The following UNC45A variants were observed in gnomAD, a reference collection of about 807,000 sequenced individuals.
The protein encoded by UNC45A is protein unc-45 homolog A.
UNC45A carries 78 observed loss-of-function variants against 103.2 expected under a neutral mutation model. The observed-to-expected ratio is 0.76, with a 90% CI of 0.63 to 0.91. The LOEUF (loss-of-function observed/expected upper bound fraction) is 0.91. UNC45A is among the 40% of genes least tolerant of loss of function. UNC45A has a pLI of 0.00. For missense variants in UNC45A, 1,193 were observed against 1,224.8 expected (o/e 0.97, Z 0.39); for synonymous variants, 495 against 504.6 (o/e 0.98, Z 0.25).
intron 9 of UNC45A, 124 bp downstream of exon 9, chr15:90,945,187 G>A: frequency 7.4e-7 from 1 of 1,351,514 alleles, no homozygotes; most frequent in Non-Finnish European, 9.9e-7. Context: ...ACTAGTTGGA[G>A]GCTGAACAAA....
intron 6 of UNC45A, among the ~76,000 whole-genome samples, chr15:90,941,187 G>A (rs1463252099): frequency 4.6e-5 from 7 of 152,194 alleles, no homozygotes; most frequent in Non-Finnish European, 7.3e-5. Flanking sequence ...TCATGGCCCA[G>A]AATGTGCCTG....
At chr15:90,936,255 G>A in intron 3 of UNC45A, 30 bp from the exon 4 acceptor site, 1 of 1,597,790 alleles carries the variant, frequency 6.3e-7, no homozygotes, top group Non-Finnish European at 8.5e-7. Context: ...TGGCCTCATG[G>A]GTGCTGACAG....
intron 13 of UNC45A, 149 bp downstream of exon 13, chr15:90,948,943 C>G (rs2036736375): frequency 1.9e-6 from 2 of 1,034,598 alleles, no homozygotes. Context: ...GTGATGCGAT[C>G]TCGGCTCACT....
At chr15:90,931,863 G>C, upstream of UNC45A, 1 of 1,614,058 alleles carries the variant, frequency 6.2e-7, no homozygotes, top group Non-Finnish European at 8.5e-7. Context: ...TCCACCAGGC[G>C]CCGCACTTGT....
At chr15:90,950,461 T>C (rs549511956) in intron 16 of UNC45A, 39 bp from the exon 17 acceptor site, 1 of 1,603,364 alleles carries the variant, frequency 6.2e-7, no homozygotes, top group South Asian at 1.1e-5. Flanking sequence ...TTGTGGGGGC[T>C]GCGGCAAGTA....
At chr15:90,932,138 C>G (rs1476843445), upstream of UNC45A, 1 of 1,572,220 alleles carries the variant, frequency 6.4e-7, no homozygotes, top group East Asian at 2.2e-5. Context: ...AGCAGGAAGT[C>G]AGGTCGGAGG....
At chr15:90,944,061 A>G (rs928535352) in intron 8 of UNC45A, among the ~76,000 whole-genome samples, 2 of 130,372 alleles carry the variant, frequency 1.5e-5, no homozygotes, top group African/African-American at 5.9e-5. Flanking sequence ...AAATAACGGT[A>G]GATATATCAA....
Position 90,944,951 on chromosome 15 carries a change from G to A in UNC45A, c.1087G>A (p.Val363Met), listed in dbSNP as rs1351553130. 1.2e-6 allele frequency: 2 copies of A among 1,612,684 alleles called. No homozygotes were observed. Among genetic ancestry groups the A allele is most frequent in the Admixed American group, 3.3e-5 (2 of 60,022 alleles). The change falls in exon 9 of 20, where the codon GTG becomes ATG. Residue 363 changes from valine to methionine, a missense_variant. Physicochemically the swap from Val to Met is conservative, Grantham distance 21 (BLOSUM62 1). Transcript: ENST00000418476. ...SLQDPPGELA[V>M]TANSRMSASI... The stretch of plus-strand genomic sequence containing the variant: ...ACAGGACCCTCCTGGGGAGCTCGCA[G>A]TGACCGCAAACAGCCGCATGAGCGC...
intron 9 of UNC45A, among the ~76,000 whole-genome samples, chr15:90,945,806 T>C (rs2036534911): frequency 3.3e-5 from 5 of 151,548 alleles, no homozygotes; most frequent in Admixed American, 3.3e-4. Context: ...CTAATTTTTG[T>C]ATTTTTAGTA....
At chr15:90,932,284 T>C, upstream of UNC45A, 1 of 839,742 alleles carries the variant, frequency 1.2e-6, no homozygotes, top group Non-Finnish European at 1.8e-6. Flanking sequence ...ATGCCTACCG[T>C]TCCAATTGTT....
At position 90,953,305 on chromosome 15, in the gene UNC45A, C is replaced by G. The variant is rs778468216; in HGVS notation, c.2572C>G (p.Gln858Glu). 2.7e-5 allele frequency: 44 copies of G among 1,607,912 alleles called. No homozygotes were observed. The African/African-American group carries it at 4.7e-4, about 17-fold the overall frequency. ...GCCCACGCTCTGCAGCCGCATTCCC[C>G]AAGTGGTCAGTGCCTCTTCTCAGTG... Reference protein sequence around the residue: ...MRPTLCSRIPQVTTHWLEILQ... With the variant: ...MRPTLCSRIPEVTTHWLEILQ... The change falls in exon 19 of 20, where the codon CAA becomes GAA. Residue 858 changes from glutamine (Q) to glutamate (E), a missense_variant. By Grantham distance (29) the Gln-to-Glu change is conservative. Coordinates refer to ENST00000418476, the MANE Select transcript of UNC45A (RefSeq NM_018671.5).
Position 90,942,551 on chromosome 15 carries a change from C to T in UNC45A, c.802C>T (p.Leu268Phe). The change falls in exon 7 of 20, where the codon CTC becomes TTC. Residue 268 changes from leucine (L) to phenylalanine (F), a missense_variant. Leu to Phe is a conservative substitution (Grantham distance 22, BLOSUM62 0). Transcript: ENST00000418476. The stretch of plus-strand genomic sequence containing the variant: ...CCTGCTGCAGGTTATGTTTGATGCC[C>T]TCAAGGAAGGTGTCAAAAAAGGCTT... ...CHLLQVMFDA[L>F]KEGVKKGFRG... 1 of 1,614,156 alleles carries T rather than the reference C, an allele frequency of 6.2e-7. No individual in the cohort carries two copies.
Position 90,948,655 on chromosome 15 carries a change from T to TGGA in UNC45A, c.1744_1746dup (p.Glu582dup). On this transcript the variant is annotated inframe_insertion and splice_region_variant, in exon 13 of 20. Transcript: ENST00000418476. ...GTGAATTCCTCTGTGTCCTGGCAGT[T>TGGA]GGAGGAGAGGTCAGTGCTCTTTGCG... 1 of 1,613,538 alleles carries TGGA rather than the reference T, an allele frequency of 6.2e-7. No individual in the cohort carries two copies. The highest frequency in any genetic ancestry group is 8.5e-7 in the Non-Finnish European group (1 of 1,179,530).
Position 90,935,955 on chromosome 15 carries a change from G to C in UNC45A, c.223G>C (p.Asp75His), listed in dbSNP as rs201273337. 3.2e-5 allele frequency: 51 copies of C among 1,613,978 alleles called. No individual in the cohort carries two copies. Among genetic ancestry groups the C allele is most frequent in the Non-Finnish European group, 4.2e-5 (50 of 1,180,032 alleles). ...AACHLKLEDY[D>H]KAETEASKAI... ...TGTCTTTCTCTTACAGGAAGATTAC[G>C]ACAAAGCAGAAACAGAGGCATCCAA... Residue 75 changes from aspartate (D) to histidine (H), a missense_variant, in exon 3 of 20, where the codon GAC becomes CAC. Transcript: ENST00000418476.
intron 8 of UNC45A, among the ~76,000 whole-genome samples, chr15:90,943,679 G>C (rs1171448255): frequency 1.3e-5 from 2 of 151,850 alleles, no homozygotes; most frequent in Non-Finnish European, 2.9e-5. Flanking sequence ...AGAGAGGCTG[G>C]ATTAGCTTTC....
rs1289828343 is a variant in UNC45A, at chr15:90,935,353, A to G, written c.29A>G (p.Glu10Gly). 6.2e-7 allele frequency: 1 copy of G among 1,603,070 alleles called. No homozygotes were observed. Among genetic ancestry groups the G allele is most frequent in the Non-Finnish European group, 8.5e-7 (1 of 1,176,152 alleles). MTVSGPGTP[E>G]PRPATPGASS... Reference sequence around the variant, plus strand: ...ACTGTGAGTGGTCCAGGGACCCCCGAGCCCCGGCCGGCCACCCCCGGGGTG... The same window carrying G: ...ACTGTGAGTGGTCCAGGGACCCCCGGGCCCCGGCCGGCCACCCCCGGGGTG... The change falls in exon 1 of 20, where the codon GAG (glutamate) becomes GGG (glycine). Residue 10 changes from glutamate to glycine, a missense_variant. By Grantham distance (98) the Glu-to-Gly change is moderately conservative. Coordinates refer to ENST00000418476, the MANE Select transcript of UNC45A (RefSeq NM_018671.5).
intron 4 of UNC45A, among the ~76,000 whole-genome samples, chr15:90,939,430 C>A (rs2036176922): frequency 6.6e-6 from 1 of 152,218 alleles, no homozygotes; most frequent in South Asian, 2.1e-4. Context: ...ATGTAGATGG[C>A]ACCACTGGGA....
intron 11 of UNC45A, 87 bp from the exon 12 acceptor site, chr15:90,948,055 C>A (rs2036668496): frequency 2.5e-6 from 4 of 1,580,684 alleles, no homozygotes; most frequent in Non-Finnish European, 3.4e-6. Flanking sequence ...AGGGGATGCC[C>A]AAACCCTTGG....
chr15:90,942,105 G>T (rs2036324261), intron 6 of UNC45A, among the ~76,000 whole-genome samples: 1 of 152,128 alleles, frequency 6.6e-6, no homozygotes, highest in Non-Finnish European at 1.5e-5. Flanking sequence ...AAGCCTGGTG[G>T]TCAGGTAGCT....
Sources: gnomAD v4.1 joint callset for allele counts (sites outside exome capture counted in the v4.1 genomes callset) on GRCh38, gnomAD v4.1.1 for gene constraint, MANE v1.5 for transcripts, NCBI Gene and HGNC (gene_info 2026-07-23, HGNC 2026-07-21) for gene names.